The following LMO7 variants were observed in gnomAD, a reference collection of about 807,000 sequenced individuals.
LMO7 encodes LIM domain only protein 7.
In LMO7, 120 loss-of-function variants were observed where a neutral mutation model predicts 206.5. The observed-to-expected ratio is 0.58, with a 90% CI of 0.50 to 0.68. The LOEUF (loss-of-function observed/expected upper bound fraction) is 0.68. Ranked by LOEUF, LMO7 falls within the 30% of genes least tolerant of loss-of-function variation. LMO7 has a pLI of 0.00. For missense variants in LMO7, 1,959 were observed against 1,957.9 expected (o/e 1.00, Z -0.01); for synonymous variants, 706 against 681.5 (o/e 1.04, Z -0.56).
At position 75,665,268 on chromosome 13, in the gene LMO7, A is replaced by T. The variant is rs929478316; in HGVS notation, c.69+28542A>T. Among the ~76,000 whole-genome samples the T allele has an allele frequency of 3.9e-5, 6 of 152,270 alleles. No individual in the cohort carries two copies. In the East Asian group the frequency reaches 1.2e-3, roughly 29 times the overall value. On this transcript the variant is annotated intron_variant, in intron 1 of 30. Transcript: ENST00000377534. ...TGTAAATTTAGAACCAATTAAGTTCAGAACAAATCTGCTCTAATAGTTTAT... is the reference window on the plus strand; with the variant it reads ...TGTAAATTTAGAACCAATTAAGTTCTGAACAAATCTGCTCTAATAGTTTAT...
intron 1 of LMO7, among the ~76,000 whole-genome samples, chr13:75,662,616 GCAAAACTAAGTTTTTTAATGTGC>G (rs2038710714): frequency 7.1e-6 from 1 of 139,920 alleles, no homozygotes; most frequent in African/African-American, 2.5e-5. Flanking sequence ...ACTGCACCTG[GCAAAACTAAGTTTTTTAATGTGC>G]CAAAAGTTTT....
At chr13:75,672,240 ATT>A (rs568135884) in intron 1 of LMO7, among the ~76,000 whole-genome samples, 13,939 of 131,448 alleles carry the variant, frequency 0.11, 632 homozygotes, top group Middle Eastern at 0.21. Context: ...TTAAAAAAAG[ATT>A]TTTTTTTTTT....
chr13:75,737,829 C>A (rs1594655957), intron 3 of LMO7, among the ~76,000 whole-genome samples: 3 of 69,600 alleles, frequency 4.3e-5, no homozygotes, highest in East Asian at 5.3e-4. Flanking sequence ...AATATAGATT[C>A]ACAGGAAGCT....
At chr13:75,842,823 G>T in intron 24 of LMO7, 28 bp from the exon 25 acceptor site, 1 of 1,438,174 alleles carries the variant, frequency 7.0e-7, no homozygotes, top group South Asian at 1.2e-5. Flanking sequence ...CTAATATTTT[G>T]ACAACAAAAT....
At position 75,636,426 on chromosome 13, in the gene LMO7, C is replaced by G; in HGVS notation, c.-232C>G. 7.3e-7 allele frequency: 1 copy of G among 1,363,800 alleles called. No individual in the cohort carries two copies. Among genetic ancestry groups the G allele is most frequent in the Non-Finnish European group, 9.4e-7 (1 of 1,061,246 alleles). 84.5% of individuals were successfully genotyped at this position (1,363,800 alleles called of 1,614,324 possible). On this transcript the variant is annotated 5_prime_UTR_variant, in exon 1 of 31. Transcript: ENST00000377534. ...GCCCGGGTCCCCGCGGGCCTTGGGT[C>G]GCTTTCAGGAGTTTAGAGAAAGCCA...
chr13:75,800,755 A>C lies in LMO7; in HGVS notation c.534A>C (p.Glu178Asp). 1 of 1,614,190 alleles carries C rather than the reference A, an allele frequency of 6.2e-7. No homozygotes were observed. The highest frequency in any genetic ancestry group is 8.5e-7 in the Non-Finnish European group (1 of 1,180,008). The change falls in exon 7 of 31, where the codon GAA (glutamate) becomes GAC (aspartate). Residue 178 changes from glutamate to aspartate, a missense_variant. By Grantham distance (45) the Glu-to-Asp change is conservative. Coordinates refer to ENST00000377534, the MANE Select transcript of LMO7 (RefSeq NM_001306080.2). ...DSGYGDIWCP[E>D]RGEFLAPPRH... Reference sequence around the variant, plus strand: ...GCTACGGTGACATCTGGTGTCCTGAACGTGGAGAATTTCTTGCTCCTCCAA... The same window carrying C: ...GCTACGGTGACATCTGGTGTCCTGACCGTGGAGAATTTCTTGCTCCTCCAA...
At position 75,841,716 on chromosome 13, in the gene LMO7, C is replaced by T. The variant is rs1435200368; in HGVS notation, c.3764C>T (p.Ser1255Phe). The T allele has an allele frequency of 1.2e-6, 2 of 1,613,880 alleles. No homozygotes were observed. The highest frequency in any genetic ancestry group is 1.7e-6 in the Non-Finnish European group (2 of 1,179,964). Residue 1255 changes from serine (S) to phenylalanine (F), a missense_variant, in exon 24 of 31, where the codon TCC becomes TTC. By Grantham distance (155) the Ser-to-Phe change is radical. Coordinates refer to ENST00000377534, the MANE Select transcript of LMO7 (RefSeq NM_001306080.2). ...TGGGAAGCTACCTGGAGTGAAGGGT[C>T]CAAGTCTTCAGACAGAGAAGGAACC... ...ATWEATWSEG[S>F]KSSDREGTRA...
intron 5 of LMO7, among the ~76,000 whole-genome samples, chr13:75,796,188 T>TA (rs2140809604): frequency 6.6e-6 from 1 of 152,336 alleles, no homozygotes; most frequent in East Asian, 1.9e-4. Context: ...TCATATGTCT[T>TA]ACAATATTTT....
chr13:75,685,263 G>A (rs566585460), intron 1 of LMO7, among the ~76,000 whole-genome samples: 1 of 152,266 alleles, frequency 6.6e-6, no homozygotes, highest in Admixed American at 6.5e-5. Flanking sequence ...CATGGACTTG[G>A]AGTAAGCTGG....
intron 1 of LMO7, among the ~76,000 whole-genome samples, chr13:75,622,763 T>C (rs1023825106): frequency 1.3e-5 from 2 of 152,222 alleles, no homozygotes; most frequent in Non-Finnish European, 2.9e-5. Context: ...TTATTGTGTT[T>C]TATTGCGTTG....
rs140992834 is a variant in LMO7 at position 75,839,943 on chromosome 13, T to G, written c.3452-142T>G. The G allele has an allele frequency of 4.4e-4, 304 of 697,248 alleles. 1 individual carries two copies. In the African/African-American group the frequency reaches 4.9e-3, roughly 11 times the overall value. The allele number at this position is 697,248 out of a possible 1,614,324, so 43.2% of individuals were successfully genotyped here. On this transcript the variant is annotated intron_variant, in intron 20 of 30. Transcript: ENST00000377534. The stretch of plus-strand genomic sequence containing the variant: ...TACACCTGGAGAAAAAAGGATTTAC[T>G]GACTATTGTTTAAAAAAACATTGTC...
At position 75,845,157 on chromosome 13, in the gene LMO7, G is replaced by T. The variant is rs1313406179; in HGVS notation, c.4098-170G>T. Among the ~76,000 whole-genome samples, 8 of 152,182 alleles carry T rather than the reference G, an allele frequency of 5.3e-5. 1 individual carries two copies. Among genetic ancestry groups the T allele is most frequent in the African/African-American group, 1.9e-4 (8 of 41,430 alleles). On this transcript the variant is annotated intron_variant, in intron 25 of 30. Coordinates refer to ENST00000377534, the MANE Select transcript of LMO7 (RefSeq NM_001306080.2). The stretch of plus-strand genomic sequence containing the variant: ...TTTTTTAAGGATGTCAAGGTTTTCT[G>T]TGAGTTTGTGAAAGATGAAAAATTT...
intron 4 of LMO7, among the ~76,000 whole-genome samples, chr13:75,780,602 T>A (rs991745562): frequency 1.3e-5 from 2 of 152,050 alleles, no homozygotes; most frequent in Non-Finnish European, 2.9e-5. Flanking sequence ...CATCACAGGA[T>A]CAAGAGGCGA....
intron 4 of LMO7, among the ~76,000 whole-genome samples, chr13:75,786,926 A>G (rs897230559): frequency 1.3e-5 from 2 of 152,128 alleles, no homozygotes; most frequent in African/African-American, 4.8e-5. Flanking sequence ...CACCTTTTAA[A>G]CTGTTTGGAA....
intron 1 of LMO7, among the ~76,000 whole-genome samples, chr13:75,708,953 C>A (rs566618236): frequency 2.6e-5 from 4 of 152,186 alleles, no homozygotes; most frequent in Non-Finnish European, 5.9e-5. Context: ...CCCGCTCCCC[C>A]CACCCCACAA....
intron 1 of LMO7, among the ~76,000 whole-genome samples, chr13:75,686,139 A>G (rs1046445777): frequency 6.6e-6 from 1 of 151,960 alleles, no homozygotes; most frequent in Non-Finnish European, 1.5e-5. Flanking sequence ...TCAGCCTCCT[A>G]AAGTGCTGGG....
chr13:75,846,180 C>G (rs2059983715), intron 26 of LMO7, among the ~76,000 whole-genome samples: 1 of 152,072 alleles, frequency 6.6e-6, no homozygotes, highest in Non-Finnish European at 1.5e-5. Context: ...CTAAAATGCC[C>G]TGTGAGCAAA....
intron 4 of LMO7, among the ~76,000 whole-genome samples, chr13:75,763,901 T>C (rs1240378340): frequency 6.6e-6 from 1 of 150,958 alleles, no homozygotes; most frequent in Non-Finnish European, 1.5e-5. Context: ...GGACTCCAAC[T>C]GTTTTTCAGT....
At chr13:75,722,956 G>A (rs1013343735) in intron 2 of LMO7, among the ~76,000 whole-genome samples, 3 of 152,172 alleles carry the variant, frequency 2.0e-5, no homozygotes, top group Non-Finnish European at 4.4e-5. Flanking sequence ...TCATAAGTGG[G>A]AGCTAAGCTA....
Sources: allele counts gnomAD v4.1 joint callset (sites outside exome capture counted in the v4.1 genomes callset), GRCh38; gene constraint gnomAD v4.1.1; transcripts MANE v1.5; gene names NCBI Gene and HGNC (gene_info 2026-07-23, HGNC 2026-07-21).